Variants in TXLNB observed in about 807,000 individuals in gnomAD.
TXLNB encodes taxilin beta.
Under a neutral mutation model 57.4 loss-of-function variants are expected in TXLNB, and 37 were observed. The observed-to-expected ratio is 0.64, with a 90% CI of 0.50 to 0.85. TXLNB has a LOEUF of 0.85. Ranked by LOEUF, TXLNB falls within the 40% of genes least tolerant of loss-of-function variation. The probability of loss-of-function intolerance (pLI) is 0.00; values close to 1 mark genes in which losing one functional copy is unlikely to be tolerated. For missense variants in TXLNB, 848 were observed against 825.6 expected, an observed-to-expected ratio of 1.03 and a Z score of -0.33; for synonymous variants, 302 against 309.6, an observed-to-expected ratio of 0.98 and a Z score of 0.26.
At chr6:139,177,377 T>TG in the TXLNB span, 1 of 251,386 alleles carries the variant, frequency 4.0e-6, no homozygotes, top group Non-Finnish European at 7.6e-6. The surrounding 1 kb of genome is among the most constrained non-coding windows in gnomAD (Gnocchi z 4.9). Context: ...TTTAAGATGG[T>TG]GGGGAGGATG....
chr6:139,313,197 C>T, the TXLNB span, among the ~76,000 whole-genome samples: 4 of 151,920 alleles, frequency 2.6e-5, no homozygotes, highest in South Asian at 4.2e-4. Flanking sequence ...CTCAGCCTCC[C>T]GAGTAGCTGG....
intron 7 of TXLNB, among the ~76,000 whole-genome samples, chr6:139,252,808 G>A (rs937501051): frequency 2.6e-5 from 4 of 152,284 alleles, no homozygotes; most frequent in Admixed American, 6.5e-5. Flanking sequence ...TGGCTAACAC[G>A]GTGAAACCCT....
the TXLNB span, among the ~76,000 whole-genome samples, chr6:139,302,054 C>A: frequency 6.6e-6 from 1 of 151,570 alleles, no homozygotes; most frequent in Non-Finnish European, 1.5e-5. Context: ...AACTACGATG[C>A]TTTATTGGGT....
chr6:139,263,055 A>G (rs755093458), intron 4 of TXLNB, among the ~76,000 whole-genome samples: 16 of 152,226 alleles, frequency 1.1e-4, no homozygotes, highest in Non-Finnish European at 1.9e-4. Context: ...AATGAACTGC[A>G]GCGATTTCTA....
chr6:139,216,413 G>T, the TXLNB span, among the ~76,000 whole-genome samples: 1 of 145,174 alleles, frequency 6.9e-6, no homozygotes, highest in East Asian at 2.1e-4. Flanking sequence ...CTCATAGGTG[G>T]GAATTGAACA....
At chr6:139,204,429 C>T in the TXLNB span, among the ~76,000 whole-genome samples, 4 of 152,172 alleles carry the variant, frequency 2.6e-5, no homozygotes, top group Non-Finnish European at 5.9e-5. Context: ...CTCCCATTCT[C>T]CAGCTCGAGC....
At chr6:139,316,919 CA>C in the TXLNB span, among the ~76,000 whole-genome samples, 120 of 152,222 alleles carry the variant, frequency 7.9e-4, 5 homozygotes, top group South Asian at 0.024. Context: ...GGTTGGAGTT[CA>C]ATACTAGTCA....
chr6:139,293,833 G>A (rs190778983), upstream of TXLNB, among the ~76,000 whole-genome samples: 86 of 152,176 alleles, frequency 5.7e-4, no homozygotes, highest in Admixed American at 1.8e-3. Context: ...TTAAGTTAGT[G>A]AATTAAAATT....
chr6:139,189,566 T>C, the TXLNB span, among the ~76,000 whole-genome samples: 1 of 152,154 alleles, frequency 6.6e-6, no homozygotes, highest in Non-Finnish European at 1.5e-5. Context: ...AGAAAGGAAA[T>C]AAGAAAGGTC....
At chr6:139,276,372 T>C (rs971521773) in intron 3 of TXLNB, among the ~76,000 whole-genome samples, 1 of 152,236 alleles carries the variant, frequency 6.6e-6, no homozygotes, top group African/African-American at 2.4e-5. Flanking sequence ...TTAGTATGAA[T>C]TTTTAGTGTA....
At chr6:139,180,477 A>G in the TXLNB span, 1 of 152,552 alleles carries the variant, frequency 6.6e-6, no homozygotes, top group Non-Finnish European at 1.5e-5. Context: ...AAGTGAGGAG[A>G]AAGTGTTCTT....
chr6:139,314,438 T>C, the TXLNB span, among the ~76,000 whole-genome samples: 2 of 152,246 alleles, frequency 1.3e-5, no homozygotes, highest in Admixed American at 6.5e-5. Flanking sequence ...TTTGAATGCA[T>C]GTATGACCTA....
rs61441759 is a variant in TXLNB at position 139,250,357 on chromosome 6, C to CTTT, written c.1078-2451_1078-2449dup. 8.4e-3 allele frequency among the ~76,000 whole-genome samples: 995 copies of CTTT among 118,846 alleles called. 11 individuals are homozygous for CTTT. The highest frequency in any genetic ancestry group is 0.03 in the African/African-American group (933 of 30,616). 78.0% of individuals were successfully genotyped at this position (118,846 alleles called of 152,430 possible). On this transcript the variant is annotated intron_variant, in intron 7 of 9. Coordinates refer to ENST00000358430, the MANE Select transcript of TXLNB (RefSeq NM_153235.4). Reference sequence around the variant, plus strand: ...GTGTTTTTTCTTTCTTTCTTTCTTTCTTTTTTTTTTTTTTTTTTCAAAATA... The same window carrying CTTT: ...GTGTTTTTTCTTTCTTTCTTTCTTTCTTTTTTTTTTTTTTTTTTTTTCAAAATA...
At chr6:139,185,852 C>T in the TXLNB span, among the ~76,000 whole-genome samples, 1 of 152,130 alleles carries the variant, frequency 6.6e-6, no homozygotes, top group Non-Finnish European at 1.5e-5. Flanking sequence ...CTTACTTATC[C>T]TTACCTGCCT....
chr6:139,322,909 T>C, the TXLNB span, among the ~76,000 whole-genome samples: 43 of 152,378 alleles, frequency 2.8e-4, no homozygotes, highest in African/African-American at 9.6e-4. Flanking sequence ...TCCCTGCTGT[T>C]GAATCCCCCA....
chr6:139,219,496 A>T, the TXLNB span, among the ~76,000 whole-genome samples: 1 of 152,218 alleles, frequency 6.6e-6, no homozygotes, highest in African/African-American at 2.4e-5. Context: ...GCAGCAACAC[A>T]AACCCATTAT....
At chr6:139,229,582 C>T in the TXLNB span, among the ~76,000 whole-genome samples, 6 of 152,220 alleles carry the variant, frequency 3.9e-5, no homozygotes, top group African/African-American at 1.2e-4. Context: ...CTTGGCCTCC[C>T]AAAGTGCTGG....
At chr6:139,181,226 G>A in the TXLNB span, among the ~76,000 whole-genome samples, 1,607 of 152,298 alleles carry the variant, frequency 0.011, 28 homozygotes, top group African/African-American at 0.037. Flanking sequence ...AGGCCTTGTC[G>A]GCATGATTTG....
chr6:139,221,818 G>A, the TXLNB span, among the ~76,000 whole-genome samples: 17 of 152,176 alleles, frequency 1.1e-4, no homozygotes, highest in African/African-American at 3.9e-4. Context: ...TGAATCAGAA[G>A]ATAGGAGTAA....
Sources: allele counts gnomAD v4.1 joint callset (sites outside exome capture counted in the v4.1 genomes callset), GRCh38; gene constraint gnomAD v4.1.1; non-coding constraint Gnocchi (gnomAD v3.1); transcripts MANE v1.5; gene names NCBI Gene and HGNC (gene_info 2026-07-23, HGNC 2026-07-21).